CNTNAP2: variants seen among roughly 807,000 people sequenced by gnomAD.
The protein encoded by CNTNAP2 is contactin-associated protein-like 2.
In CNTNAP2, 98 loss-of-function variants were observed where a neutral mutation model predicts 155.2. The observed-to-expected ratio is 0.63, with a 90% CI of 0.54 to 0.75. CNTNAP2 has a LOEUF of 0.75. CNTNAP2 is among the 30% of genes least tolerant of loss of function. The probability of loss-of-function intolerance (pLI) is 0.00; values close to 1 mark genes in which losing one functional copy is unlikely to be tolerated. For synonymous variants in CNTNAP2, 651 were observed against 631.2 expected, an observed-to-expected ratio of 1.03 and a Z score of -0.47; for missense variants, 1,727 against 1,688.1, an observed-to-expected ratio of 1.02 and a Z score of -0.40.
chr7:148,359,537 A>T (rs1798580038), intron 21 of CNTNAP2, among the ~76,000 whole-genome samples: 1 of 152,258 alleles, frequency 6.6e-6, no homozygotes, highest in South Asian at 2.1e-4. Context: ...GTCAGAATTT[A>T]GAAATTCAAG....
At chr7:147,896,516 C>CG (rs903886087) in intron 13 of CNTNAP2, among the ~76,000 whole-genome samples, 1 of 151,990 alleles carries the variant, frequency 6.6e-6, no homozygotes, top group Non-Finnish European at 1.5e-5. Flanking sequence ...CTTGGCGGGT[C>CG]GGGGGGAAGC....
intron 15 of CNTNAP2, among the ~76,000 whole-genome samples, chr7:148,073,911 T>A (rs1235324805): frequency 1.3e-5 from 2 of 152,188 alleles, no homozygotes; most frequent in Non-Finnish European, 2.9e-5. Context: ...CTGGGAGGGT[T>A]CTGGATGGCT....
intron 3 of CNTNAP2, among the ~76,000 whole-genome samples, chr7:146,861,164 G>A (rs1034595912): frequency 6.6e-6 from 1 of 151,952 alleles, no homozygotes; most frequent in Non-Finnish European, 1.5e-5. Context: ...GGGTTCAAGC[G>A]ATTCTCCTGC....
chr7:146,276,089 A>G (rs1394882369), intron 1 of CNTNAP2, among the ~76,000 whole-genome samples: 1 of 152,206 alleles, frequency 6.6e-6, no homozygotes, highest in Non-Finnish European at 1.5e-5. Context: ...ACATTCCTAG[A>G]GACTAGTACG....
chr7:147,435,579 T>C (rs1797536407), intron 10 of CNTNAP2, among the ~76,000 whole-genome samples: 1 of 152,196 alleles, frequency 6.6e-6, no homozygotes, highest in Admixed American at 6.5e-5. Context: ...GACCTGGCCA[T>C]TTTAGGTAGT....
intron 15 of CNTNAP2, among the ~76,000 whole-genome samples, chr7:148,051,232 G>A (rs146756489): frequency 1.3e-5 from 2 of 151,826 alleles, no homozygotes; most frequent in African/African-American, 4.8e-5. Context: ...CTTTCACTTG[G>A]GCCAAATATC....
chr7:146,713,194 C>A (rs541877798), intron 1 of CNTNAP2, among the ~76,000 whole-genome samples: 278 of 152,114 alleles, frequency 1.8e-3, no homozygotes, highest in African/African-American at 6.4e-3. Flanking sequence ...AAAGAATTAA[C>A]AGAATGAGAA....
chr7:148,064,697 A>C (rs1384746453), intron 15 of CNTNAP2, among the ~76,000 whole-genome samples: 3 of 143,248 alleles, frequency 2.1e-5, no homozygotes, highest in East Asian at 2.1e-4. Context: ...AAAAAAAAAA[A>C]CTCAAGAATA....
At chr7:147,161,388 A>T (rs1802020243) in intron 8 of CNTNAP2, among the ~76,000 whole-genome samples, 1 of 152,160 alleles carries the variant, frequency 6.6e-6, no homozygotes, top group South Asian at 2.1e-4. Flanking sequence ...ATATGTGTAT[A>T]TTAACATATA....
At chr7:146,461,358 G>C (rs996624978) in intron 1 of CNTNAP2, among the ~76,000 whole-genome samples, 1 of 150,786 alleles carries the variant, frequency 6.6e-6, no homozygotes, top group African/African-American at 2.4e-5. Context: ...TGAGCCAAGA[G>C]AGCACCACTG....
At chr7:147,575,131 G>A (rs1330814730) in intron 12 of CNTNAP2, among the ~76,000 whole-genome samples, 5 of 149,936 alleles carry the variant, frequency 3.3e-5, no homozygotes, top group African/African-American at 9.8e-5. Flanking sequence ...GTGTGTGTGT[G>A]TGTGTGTGTG....
chr7:147,615,852 A>T (rs1262318031), intron 12 of CNTNAP2, among the ~76,000 whole-genome samples: 1 of 152,136 alleles, frequency 6.6e-6, no homozygotes, highest in Non-Finnish European at 1.5e-5. Flanking sequence ...CTTAACATTG[A>T]AATACCACTT....
chr7:147,873,560 C>T (rs181316526), intron 13 of CNTNAP2, among the ~76,000 whole-genome samples: 2 of 152,162 alleles, frequency 1.3e-5, no homozygotes, highest in African/African-American at 4.8e-5. Context: ...ATTTAATTAG[C>T]TCCCACAGGG....
intron 3 of CNTNAP2, among the ~76,000 whole-genome samples, chr7:146,952,129 C>A (rs998469255): frequency 6.6e-6 from 1 of 152,118 alleles, no homozygotes; most frequent in Admixed American, 6.5e-5. Flanking sequence ...TCAACATACA[C>A]AAATCAATAG....
At chr7:147,148,395 A>AG (rs1801755331) in intron 8 of CNTNAP2, among the ~76,000 whole-genome samples, 2 of 150,026 alleles carry the variant, frequency 1.3e-5, no homozygotes, top group Non-Finnish European at 2.9e-5. Flanking sequence ...GTCTCAAAAA[A>AG]AAAAAAAAAA....
At chr7:148,316,801 G>A (rs1169959243) in intron 21 of CNTNAP2, among the ~76,000 whole-genome samples, 1 of 152,186 alleles carries the variant, frequency 6.6e-6, no homozygotes, top group Non-Finnish European at 1.5e-5. Context: ...ATCCCAAATA[G>A]CTCTCTCTGG....
At chr7:146,499,998 T>G (rs1314184426) in intron 1 of CNTNAP2, among the ~76,000 whole-genome samples, 1 of 152,170 alleles carries the variant, frequency 6.6e-6, no homozygotes, top group Non-Finnish European at 1.5e-5. Flanking sequence ...AGTAAAAATT[T>G]TTATTAATTT....
intron 1 of CNTNAP2, among the ~76,000 whole-genome samples, chr7:146,735,978 T>C (rs1801613022): frequency 6.6e-6 from 1 of 152,182 alleles, no homozygotes; most frequent in Non-Finnish European, 1.5e-5. Context: ...ATTTGATCAT[T>C]ACCTATTGTA....
At chr7:146,501,493 G>GT (rs1455986036) in intron 1 of CNTNAP2, among the ~76,000 whole-genome samples, 30 of 151,856 alleles carry the variant, frequency 2.0e-4, no homozygotes, top group Admixed American at 2.0e-3. Flanking sequence ...TATCTCACTT[G>GT]TAGGCATAGA....
Sources: allele counts gnomAD v4.1 joint callset (sites outside exome capture counted in the v4.1 genomes callset), GRCh38; gene constraint gnomAD v4.1.1; transcripts MANE v1.5; gene names NCBI Gene and HGNC (gene_info 2026-07-23, HGNC 2026-07-21).